Variants in POLR2B observed in about 807,000 individuals in gnomAD.
POLR2B encodes DNA-directed RNA polymerase II subunit RPB2.
In POLR2B, 57 loss-of-function variants were observed where a neutral mutation model predicts 144.6. That is an observed-to-expected ratio of 0.39 (90% confidence interval 0.32 to 0.49). The LOEUF is 0.49. Among genes scored for constraint, POLR2B ranks in the 20% least tolerant of loss-of-function variants. The pLI, the probability that POLR2B is intolerant of heterozygous loss-of-function variation, is 0.83. For synonymous variants in POLR2B, 442 were observed against 469.8 expected (o/e 0.94, Z 0.77); for missense variants, 595 against 1,467.4 (o/e 0.41, Z 9.71).
intron 22 of POLR2B, 24 bp downstream of exon 22, chr4:57,025,023 A>T: frequency 8.6e-7 from 1 of 1,167,948 alleles, no homozygotes; most frequent in Non-Finnish European, 1.2e-6. Context: ...TATAGTAGTA[A>T]TTTGCCACTT....
At position 57,023,378 on chromosome 4, in the gene POLR2B, C is replaced by G; in HGVS notation, c.2564C>G (p.Ala855Gly). The change falls in exon 19 of 25, where the codon GCT becomes GGT. Residue 855 changes from alanine (A) to glycine (G), a missense_variant. Coordinates refer to ENST00000314595, the MANE Select transcript of POLR2B (RefSeq NM_000938.3). This position sits in a 1 kb window ranked among gnomAD's most constrained non-coding sequence, Gnocchi z 4.3. The stretch of plus-strand genomic sequence containing the variant: ...AAGCTGGATGATGATGGTTTGATAG[C>G]TCCAGGGGTTCGTGTATCAGGAGAT... The part of the protein sequence containing the change: ...YDKLDDDGLI[A>G]PGVRVSGDDV... The G allele has an allele frequency of 4.3e-6, 7 of 1,613,824 alleles. No homozygotes were observed. Among genetic ancestry groups the G allele is most frequent in the Non-Finnish European group, 5.1e-6 (6 of 1,179,776 alleles).
rs558736207 is a variant in POLR2B at position 57,017,410 on chromosome 4, C to T, written c.2155-150C>T. On this transcript the variant is annotated intron_variant, in intron 15 of 24. Transcript: ENST00000314595. This position sits in a 1 kb window ranked among gnomAD's most constrained non-coding sequence, Gnocchi z 4.8. ...GCTGTTGTGTTTCATGGTTAAGAGCCGTAATTGATTATTCCAAATGGTTAT... is the reference window on the plus strand; with the variant it reads ...GCTGTTGTGTTTCATGGTTAAGAGCTGTAATTGATTATTCCAAATGGTTAT... The T allele has an allele frequency of 4.3e-5, 33 of 768,078 alleles. No individual in the cohort carries two copies. The highest frequency in any genetic ancestry group is 6.8e-4 in the Middle Eastern group (2 of 2,932). The allele number at this position is 768,078 out of a possible 1,614,324, so 47.6% of individuals were successfully genotyped here. A position where few individuals can be genotyped will look rare whatever the true frequency, so the allele number is the denominator to read the frequency against.
intron 23 of POLR2B, among the ~76,000 whole-genome samples, chr4:57,029,048 C>G (rs11731868): frequency 0.46 from 70,335 of 151,962 alleles, 16,449 homozygotes; most frequent in East Asian, 0.63. Context: ...TGCTTGCATC[C>G]CAAATGCTGT....
intron 1 of POLR2B, among the ~76,000 whole-genome samples, chr4:56,979,771 C>A (rs1357141627): frequency 6.6e-6 from 1 of 151,940 alleles, no homozygotes; most frequent in African/African-American, 2.4e-5. Flanking sequence ...TGATGGCGTG[C>A]GCCTGTAATC....
intron 10 of POLR2B, among the ~76,000 whole-genome samples, chr4:57,008,210 T>TC (rs1251235896): frequency 1.1e-4 from 17 of 151,080 alleles, no homozygotes; most frequent in African/African-American, 2.9e-4. Context: ...GAATTGGTTT[T>TC]TTTTTTTTTT....
At chr4:56,992,023 T>G (rs1722521954) in intron 3 of POLR2B, among the ~76,000 whole-genome samples, 1 of 152,162 alleles carries the variant, frequency 6.6e-6, no homozygotes, top group South Asian at 2.1e-4. Context: ...CATAGCAAAT[T>G]GAACGTGCCA....
intron 1 of POLR2B, among the ~76,000 whole-genome samples, chr4:56,980,960 G>A (rs896781652): frequency 6.6e-6 from 1 of 151,646 alleles, no homozygotes; most frequent in African/African-American, 2.4e-5. Flanking sequence ...GTACACCACC[G>A]TGCCCAGCTA....
At chr4:57,027,341 C>A (rs1723757446) in intron 23 of POLR2B, among the ~76,000 whole-genome samples, 1 of 151,546 alleles carries the variant, frequency 6.6e-6, no homozygotes, top group East Asian at 1.9e-4. Context: ...CAGTTTCATC[C>A]CTGTTGCCTA....
intron 1 of POLR2B, among the ~76,000 whole-genome samples, chr4:56,985,861 A>G (rs1030026648): frequency 5.3e-5 from 8 of 152,238 alleles, no homozygotes; most frequent in African/African-American, 1.9e-4. Flanking sequence ...GAGAGGGTGC[A>G]TAGACCACTA....
intron 16 of POLR2B, among the ~76,000 whole-genome samples, chr4:57,019,519 T>A (rs776320601): frequency 2.0e-5 from 3 of 152,104 alleles, no homozygotes; most frequent in African/African-American, 4.8e-5. Flanking sequence ...GTACCATTTT[T>A]AAAAAAACTT....
intron 14 of POLR2B, among the ~76,000 whole-genome samples, chr4:57,016,032 T>C (rs1026980113): frequency 6.6e-6 from 1 of 152,218 alleles, no homozygotes; most frequent in Non-Finnish European, 1.5e-5. Context: ...GTGCTGGGAT[T>C]ACAGGCATGA....
intron 9 of POLR2B, among the ~76,000 whole-genome samples, chr4:57,006,093 G>T (rs1723010261): frequency 6.6e-6 from 1 of 151,876 alleles, no homozygotes; most frequent in African/African-American, 2.4e-5. Flanking sequence ...TCACAGTATT[G>T]GTATTATGTG....
At chr4:56,985,806 G>A (rs1278968333) in intron 1 of POLR2B, among the ~76,000 whole-genome samples, 1 of 152,196 alleles carries the variant, frequency 6.6e-6, no homozygotes, top group Non-Finnish European at 1.5e-5. Context: ...TGCTTCAGCT[G>A]CATTCTCTTA....
intron 10 of POLR2B, among the ~76,000 whole-genome samples, chr4:57,008,705 C>T (rs1345631585): frequency 6.6e-6 from 1 of 152,178 alleles, no homozygotes; most frequent in Non-Finnish European, 1.5e-5. Flanking sequence ...TTAGCACAGC[C>T]TGAGAAGGTG....
At chr4:57,004,960 C>T (rs1038251938) in intron 7 of POLR2B, among the ~76,000 whole-genome samples, 3 of 152,176 alleles carry the variant, frequency 2.0e-5, no homozygotes, top group Non-Finnish European at 4.4e-5. Flanking sequence ...GCTGGGATTA[C>T]AGGCATGAGC....
intron 1 of POLR2B, among the ~76,000 whole-genome samples, chr4:56,984,141 A>G (rs1722244666): frequency 6.6e-6 from 1 of 152,164 alleles, no homozygotes; most frequent in Admixed American, 6.5e-5. Flanking sequence ...TTGGGATTAT[A>G]GGTGTGAGCC....
intron 7 of POLR2B, among the ~76,000 whole-genome samples, chr4:57,001,316 A>C (rs1463309265): frequency 6.6e-6 from 1 of 151,382 alleles, no homozygotes; most frequent in East Asian, 2.0e-4. Flanking sequence ...GTGCCACCAC[A>C]CCTGGCTAAT....
intron 10 of POLR2B, among the ~76,000 whole-genome samples, chr4:57,008,254 G>T (rs1723083469): frequency 6.6e-6 from 1 of 150,652 alleles, no homozygotes; most frequent in Admixed American, 6.6e-5. Flanking sequence ...GCCCAGGCTG[G>T]AGTACAGTGG....
intron 23 of POLR2B, among the ~76,000 whole-genome samples, chr4:57,025,888 C>G: frequency 6.6e-6 from 1 of 151,970 alleles, no homozygotes; most frequent in East Asian, 1.9e-4. Flanking sequence ...TGGTTGTCCT[C>G]CAACCTTTTT....
Sources: allele counts gnomAD v4.1 joint callset (sites outside exome capture counted in the v4.1 genomes callset), GRCh38; gene constraint gnomAD v4.1.1; non-coding constraint Gnocchi (gnomAD v3.1); transcripts MANE v1.5; gene names NCBI Gene and HGNC (gene_info 2026-07-23, HGNC 2026-07-21).